Variants in PIK3C2G observed in about 807,000 individuals in gnomAD.
PIK3C2G encodes the protein phosphatidylinositol-4-phosphate 3-kinase catalytic subunit type 2 gamma.
PIK3C2G carries 168 observed loss-of-function variants against 181.1 expected under a neutral mutation model. The ratio of observed to expected loss-of-function variants is 0.93; its 90% CI spans 0.82 to 1.05. PIK3C2G has a LOEUF of 1.05. PIK3C2G is among the 50% of genes least tolerant of loss of function. The probability of loss-of-function intolerance (pLI) is 0.00; values close to 1 mark genes in which losing one functional copy is unlikely to be tolerated. For missense variants in PIK3C2G, 1,869 were observed against 1,732.8 expected (o/e 1.08, Z -1.40); for synonymous variants, 573 against 592.2 (o/e 0.97, Z 0.47).
At chr12:18,506,919 A>G (rs1426709418) in intron 24 of PIK3C2G, among the ~76,000 whole-genome samples, 1 of 152,116 alleles carries the variant, frequency 6.6e-6, no homozygotes, top group Non-Finnish European at 1.5e-5. Context: ...GCCAACATAA[A>G]CTACATGATA....
At chr12:18,383,370 A>G (rs1389735938) in intron 14 of PIK3C2G, among the ~76,000 whole-genome samples, 2 of 152,238 alleles carry the variant, frequency 1.3e-5, no homozygotes, top group Admixed American at 6.5e-5. Context: ...GACAGATACT[A>G]TAGCCATTGT....
At chr12:18,276,694 G>A (rs1276776400) in intron 1 of PIK3C2G, among the ~76,000 whole-genome samples, 4 of 152,028 alleles carry the variant, frequency 2.6e-5, no homozygotes, top group Non-Finnish European at 5.9e-5. Flanking sequence ...CTACTTGAAG[G>A]CCAGAGCTGT....
intron 16 of PIK3C2G, among the ~76,000 whole-genome samples, chr12:18,401,234 A>T (rs1944234611): frequency 1.3e-5 from 2 of 152,152 alleles, no homozygotes; most frequent in Non-Finnish European, 2.9e-5. Context: ...ACTTTAAATT[A>T]TAAGCAATTT....
chr12:18,553,086 A>T (rs960701917), intron 26 of PIK3C2G, among the ~76,000 whole-genome samples: 1 of 152,038 alleles, frequency 6.6e-6, no homozygotes, highest in Non-Finnish European at 1.5e-5. Context: ...GTTAATCCCC[A>T]TTGATATTTC....
At chr12:18,605,541 C>A (rs1420402863) in intron 30 of PIK3C2G, among the ~76,000 whole-genome samples, 4 of 152,100 alleles carry the variant, frequency 2.6e-5, no homozygotes, top group Non-Finnish European at 5.9e-5. Flanking sequence ...ATGAAGCCAG[C>A]ATTATGCTAA....
intron 1 of PIK3C2G, among the ~76,000 whole-genome samples, chr12:18,281,784 C>G (rs1949230063): frequency 6.6e-6 from 1 of 151,960 alleles, no homozygotes; most frequent in South Asian, 2.1e-4. Flanking sequence ...ACTTATTTTT[C>G]TATCACAGGA....
intron 30 of PIK3C2G, among the ~76,000 whole-genome samples, chr12:18,608,949 G>A (rs12828182): frequency 0.16 from 23,849 of 152,000 alleles, 1,895 homozygotes; most frequent in African/African-American, 0.19. Context: ...TAGGCAAAAC[G>A]TTTATATGAG....
chr12:18,516,092 TTACATGTTAG>T (rs891142398), intron 24 of PIK3C2G, among the ~76,000 whole-genome samples: 1 of 152,112 alleles, frequency 6.6e-6, no homozygotes, highest in Non-Finnish European at 1.5e-5. Flanking sequence ...TGTTTTCTTA[TTACATGTTAG>T]CATTCTTTTC....
chr12:18,314,065 G>GT lies in PIK3C2G; in HGVS notation c.1137+2dup. 6.7e-7 allele frequency: 1 copy of GT among 1,494,424 alleles called. No individual in the cohort carries two copies. The allele number at this position is 1,494,424 out of a possible 1,614,324, so 92.6% of individuals were successfully genotyped here. On this transcript the variant is annotated splice_donor_variant, in intron 6 of 32. Coordinates refer to ENST00000538779, the MANE Select transcript of PIK3C2G (RefSeq NM_001288772.2). LOFTEE classifies it high-confidence loss of function. ...AGCTCCAGGAAAGCTATCTCGAAAG[G>GT]TAAGACTTTCTTAGCATTGGTTTCA...
intron 24 of PIK3C2G, among the ~76,000 whole-genome samples, chr12:18,510,984 A>T (rs961348620): frequency 6.6e-6 from 1 of 152,092 alleles, no homozygotes; most frequent in African/African-American, 2.4e-5. Flanking sequence ...AATAGCTCCC[A>T]TTCCCCCCAA....
chr12:18,456,158 A>G (rs971347822), intron 18 of PIK3C2G, among the ~76,000 whole-genome samples: 1 of 152,194 alleles, frequency 6.6e-6, no homozygotes, highest in African/African-American at 2.4e-5. Context: ...AGGAATAAAT[A>G]AAGTTTTTAA....
chr12:18,312,452 G>C (rs1950679453), intron 5 of PIK3C2G, among the ~76,000 whole-genome samples: 1 of 152,090 alleles, frequency 6.6e-6, no homozygotes, highest in African/African-American at 2.4e-5. Context: ...TCCCATAGCA[G>C]GAACAGGGAA....
chr12:18,391,380 C>A (rs1227054801), intron 15 of PIK3C2G, 128 bp downstream of exon 15: 24 of 577,344 alleles, frequency 4.2e-5, no homozygotes, highest in Non-Finnish European at 6.1e-5. Context: ...TTCCTGATGT[C>A]ATGCTTCTTG....
the PIK3C2G span, among the ~76,000 whole-genome samples, chr12:18,695,537 A>C: frequency 6.6e-6 from 1 of 152,152 alleles, no homozygotes; most frequent in African/African-American, 2.4e-5. Flanking sequence ...GAAGTACCTC[A>C]GTATAGCCTG....
chr12:18,309,068 T>C (rs1385399088), intron 5 of PIK3C2G, among the ~76,000 whole-genome samples: 2 of 151,764 alleles, frequency 1.3e-5, no homozygotes, highest in Non-Finnish European at 3.0e-5. Context: ...TGTGAACATC[T>C]TTCTTTGATA....
rs1429783981 is a variant in PIK3C2G at position 18,286,865 on chromosome 12, C to T, written c.697C>T (p.Gln233Ter). The T allele has an allele frequency of 6.4e-7, 1 of 1,557,428 alleles. No homozygotes were observed. Among genetic ancestry groups the T allele is most frequent in the Non-Finnish European group, 8.7e-7 (1 of 1,147,654 alleles). The change falls in exon 3 of 33, where the codon CAG becomes TAG. Residue 233 changes from glutamine (Q) to a stop codon, truncating the protein, a stop_gained. Transcript: ENST00000538779. LOFTEE classifies it high-confidence loss of function. ...KNIESIGCSI[Q>*]LVEVPQSSNT... is the part of the protein sequence containing the mutation. The stretch of plus-strand genomic sequence containing the variant: ...TTTTAAGTCAATAGGTTGTTCCATT[C>T]AGCTAGTGGAAGTACCTCAAAGCAG...
At chr12:18,505,742 T>C (rs763544118) in intron 24 of PIK3C2G, among the ~76,000 whole-genome samples, 30 of 152,238 alleles carry the variant, frequency 2.0e-4, no homozygotes, top group Non-Finnish European at 4.1e-4. Context: ...TAATATTGTT[T>C]GTTTCCTTAT....
At chr12:18,368,603 G>A (rs987051054) in intron 12 of PIK3C2G, among the ~76,000 whole-genome samples, 10 of 152,112 alleles carry the variant, frequency 6.6e-5, no homozygotes, top group East Asian at 5.8e-4. Context: ...AATATCTGTC[G>A]TAATCTAGAA....
intron 14 of PIK3C2G, among the ~76,000 whole-genome samples, chr12:18,386,527 A>G (rs572450220): frequency 6.6e-5 from 10 of 152,282 alleles, no homozygotes; most frequent in African/African-American, 2.4e-4. Flanking sequence ...TTTAAATGGA[A>G]TCATACAATG....
Sources: allele counts gnomAD v4.1 joint callset (sites outside exome capture counted in the v4.1 genomes callset), GRCh38; gene constraint gnomAD v4.1.1; transcripts MANE v1.5; gene names NCBI Gene and HGNC (gene_info 2026-07-23, HGNC 2026-07-21).